Variants in LRP1B observed in about 807,000 individuals in gnomAD.
The protein encoded by LRP1B is low-density lipoprotein receptor-related protein 1B.
In LRP1B, 217 loss-of-function variants were observed where a neutral mutation model predicts 556.6. That is an observed-to-expected ratio of 0.39 (90% CI 0.35 to 0.44). LRP1B has a LOEUF of 0.44. Among genes scored for constraint, LRP1B ranks in the 20% least tolerant of loss-of-function variants. The probability of loss-of-function intolerance (pLI) is 1.00; values close to 1 mark genes in which losing one functional copy is unlikely to be tolerated. For missense variants in LRP1B, 5,053 were observed against 5,620.8 expected (o/e 0.90, Z 3.23); for synonymous variants, 2,047 against 1,865.8 (o/e 1.10, Z -2.50).
intron 2 of LRP1B, among the ~76,000 whole-genome samples, chr2:141,662,763 C>G (rs1408534040): frequency 6.6e-6 from 1 of 151,872 alleles, no homozygotes; most frequent in Admixed American, 6.6e-5. Context: ...CAATATTAGA[C>G]AGATTATTGA....
At chr2:140,256,896 ATAT>A (rs926360246) in intron 86 of LRP1B, among the ~76,000 whole-genome samples, 11 of 151,912 alleles carry the variant, frequency 7.2e-5, no homozygotes, top group Admixed American at 2.0e-4. Context: ...CTGATAAATA[ATAT>A]TATGAATATT....
chr2:141,751,294 C>G (rs1178991900), intron 2 of LRP1B, among the ~76,000 whole-genome samples: 1 of 151,730 alleles, frequency 6.6e-6, no homozygotes, highest in Non-Finnish European at 1.5e-5. Flanking sequence ...AGAAAAAAAG[C>G]CAATTCTGGA....
chr2:141,525,134 C>T (rs1242324658), intron 2 of LRP1B, among the ~76,000 whole-genome samples: 9 of 151,998 alleles, frequency 5.9e-5, no homozygotes, highest in Admixed American at 6.6e-5. Context: ...CAGTTTCATC[C>T]CGAATCAGTC....
At chr2:141,102,629 A>T (rs1471605114) in intron 7 of LRP1B, among the ~76,000 whole-genome samples, 3 of 152,096 alleles carry the variant, frequency 2.0e-5, no homozygotes, top group Non-Finnish European at 2.9e-5. Flanking sequence ...AAAATATTTA[A>T]AAAGGCACAC....
chr2:140,408,181 G>A (rs921370660), intron 66 of LRP1B, among the ~76,000 whole-genome samples: 1 of 151,856 alleles, frequency 6.6e-6, no homozygotes, highest in Non-Finnish European at 1.5e-5. Flanking sequence ...ATTTACAGGC[G>A]ATGTGGGAGT....
intron 32 of LRP1B, among the ~76,000 whole-genome samples, chr2:140,784,128 T>C (rs999862591): frequency 6.6e-6 from 1 of 152,166 alleles, no homozygotes; most frequent in Middle Eastern, 3.4e-3. Flanking sequence ...CCCCTAGAGA[T>C]TGTCACTGAA....
chr2:141,642,545 A>G (rs1464360024), intron 2 of LRP1B, among the ~76,000 whole-genome samples: 1 of 152,164 alleles, frequency 6.6e-6, no homozygotes, highest in Non-Finnish European at 1.5e-5. Context: ...TTACAGAAAG[A>G]ATATATAGAC....
intron 2 of LRP1B, among the ~76,000 whole-genome samples, chr2:141,799,901 A>T (rs930230328): frequency 6.6e-6 from 1 of 151,808 alleles, no homozygotes; most frequent in Non-Finnish European, 1.5e-5. Flanking sequence ...TATACACACA[A>T]ACTTCATGTG....
At chr2:140,360,894 T>G (rs1226122848) in intron 72 of LRP1B, among the ~76,000 whole-genome samples, 1 of 151,538 alleles carries the variant, frequency 6.6e-6, no homozygotes, top group Non-Finnish European at 1.5e-5. Flanking sequence ...CTGTTTCCTA[T>G]AATTTACTTC....
chr2:140,797,856 T>C (rs1265403931), intron 32 of LRP1B, among the ~76,000 whole-genome samples: 1 of 152,114 alleles, frequency 6.6e-6, no homozygotes, highest in African/African-American at 2.4e-5. Flanking sequence ...TATGACAAAA[T>C]AGTCAGTTTG....
intron 7 of LRP1B, among the ~76,000 whole-genome samples, chr2:141,174,627 A>G (rs141694688): frequency 6.6e-6 from 1 of 152,248 alleles, no homozygotes; most frequent in East Asian, 1.9e-4. Flanking sequence ...AGGAACTATG[A>G]GTCAATTAAA....
intron 84 of LRP1B, among the ~76,000 whole-genome samples, chr2:140,294,014 CTG>C (rs1417483255): frequency 6.6e-6 from 1 of 152,148 alleles, no homozygotes; most frequent in Non-Finnish European, 1.5e-5. Flanking sequence ...CTACCTCAGA[CTG>C]TGATTCTATT....
At chr2:141,048,818 A>G (rs1698953450) in intron 11 of LRP1B, among the ~76,000 whole-genome samples, 168 bp downstream of exon 11, 1 of 152,148 alleles carries the variant, frequency 6.6e-6, no homozygotes, top group Non-Finnish European at 1.5e-5. Context: ...ACACTGGTAT[A>G]TGAAAACAGA....
intron 19 of LRP1B, 146 bp downstream of exon 19, chr2:140,951,714 G>C (rs1573915026): frequency 1.6e-6 from 1 of 616,496 alleles, no homozygotes; most frequent in East Asian, 2.8e-5. Flanking sequence ...CTGATGTGCT[G>C]CTAGCTGCCC....
intron 2 of LRP1B, among the ~76,000 whole-genome samples, chr2:141,554,548 G>T (rs72976079): frequency 0.027 from 4,159 of 151,708 alleles, 210 homozygotes; most frequent in African/African-American, 0.092. Flanking sequence ...ATATATGAAA[G>T]GAAAGACATA....
intron 2 of LRP1B, among the ~76,000 whole-genome samples, chr2:141,512,189 A>C (rs1211211530): frequency 6.6e-6 from 1 of 152,126 alleles, no homozygotes; most frequent in Admixed American, 6.6e-5. Flanking sequence ...AAAATTTATC[A>C]TGTTTATTAA....
chr2:141,700,155 G>A (rs1691888088), intron 2 of LRP1B, among the ~76,000 whole-genome samples: 1 of 151,622 alleles, frequency 6.6e-6, no homozygotes, highest in South Asian at 2.1e-4. Context: ...AATTAATCAA[G>A]CAAAATAGTG....
At chr2:140,504,811 G>A (rs557514593) in intron 53 of LRP1B, among the ~76,000 whole-genome samples, 16 of 152,050 alleles carry the variant, frequency 1.1e-4, no homozygotes, top group African/African-American at 3.6e-4. Flanking sequence ...TCAAAACCAC[G>A]TCATTAATCA....
intron 25 of LRP1B, among the ~76,000 whole-genome samples, chr2:140,871,484 A>C (rs2105162759): frequency 6.6e-6 from 1 of 152,286 alleles, no homozygotes; most frequent in East Asian, 1.9e-4. Flanking sequence ...GTCTATGTGA[A>C]AGTAGATTAA....
Sources: gnomAD v4.1 joint callset for allele counts (sites outside exome capture counted in the v4.1 genomes callset) on GRCh38, gnomAD v4.1.1 for gene constraint, MANE v1.5 for transcripts, NCBI Gene and HGNC (gene_info 2026-07-23, HGNC 2026-07-21) for gene names.